Variants in HS6ST2 observed in about 807,000 individuals in gnomAD.
The protein encoded by HS6ST2 is heparan sulfate 6-O-sulfotransferase 2.
In HS6ST2, 17 loss-of-function variants were observed where a neutral mutation model predicts 33.0. The observed-to-expected ratio is 0.52, with a 90% CI of 0.35 to 0.77. HS6ST2 has a LOEUF of 0.77. Ranked by LOEUF, HS6ST2 falls within the 30% of genes least tolerant of loss-of-function variation. The pLI is 0.01. For missense variants in HS6ST2, 519 were observed against 551.7 expected (o/e 0.94, Z 0.59); for synonymous variants, 248 against 237.1 (o/e 1.05, Z -0.42).
chrX:132,900,495 T>C (rs1446421540), intron 2 of HS6ST2, among the ~76,000 whole-genome samples: 1 of 111,010 alleles, frequency 9.0e-6, no homozygotes. Context: ...GTGGGAGGAC[T>C]GCTTGAGGCC....
intron 2 of HS6ST2, among the ~76,000 whole-genome samples, chrX:132,776,086 C>T (rs2064955301): frequency 9.0e-6 from 1 of 111,356 alleles, no homozygotes; most frequent in Non-Finnish European, 1.9e-5. Flanking sequence ...AAGTTTTTTC[C>T]AGGTGCTTGC....
At chrX:132,699,239 C>A (rs1421033078) in intron 3 of HS6ST2, among the ~76,000 whole-genome samples, 1 of 111,847 alleles carries the variant, frequency 8.9e-6, no homozygotes, top group African/African-American at 3.3e-5. Flanking sequence ...CAACCCCTAC[C>A]CCAGTTATCC....
intron 2 of HS6ST2, among the ~76,000 whole-genome samples, chrX:132,722,144 C>T (rs1007352219): frequency 1.0e-5 from 1 of 96,516 alleles, no homozygotes; most frequent in African/African-American, 3.9e-5. Flanking sequence ...GTGGAGATCG[C>T]GCCACTGCAC....
intron 2 of HS6ST2, among the ~76,000 whole-genome samples, chrX:132,857,012 G>A (rs1308362821): frequency 1.8e-5 from 2 of 112,003 alleles, no homozygotes; most frequent in African/African-American, 6.5e-5. Context: ...ATGAAAGAAG[G>A]TTGATGTTAT....
At chrX:132,658,524 T>C (rs2063747549) in intron 4 of HS6ST2, among the ~76,000 whole-genome samples, 1 of 111,504 alleles carries the variant, frequency 9.0e-6, no homozygotes. Flanking sequence ...TTGACTCTAA[T>C]ATCAGAGCAC....
chrX:132,941,479 G>A (rs1287111423), intron 2 of HS6ST2, among the ~76,000 whole-genome samples: 1 of 112,205 alleles, frequency 8.9e-6, no homozygotes, highest in Non-Finnish European at 1.9e-5. Context: ...TTAAATAGAA[G>A]GCTCAGTCAA....
At chrX:132,791,583 G>T (rs963032652) in intron 2 of HS6ST2, among the ~76,000 whole-genome samples, 2 of 111,912 alleles carry the variant, frequency 1.8e-5, no homozygotes, top group Non-Finnish European at 3.8e-5. Context: ...ATAATATTTT[G>T]TTACTTTGGA....
intron 2 of HS6ST2, among the ~76,000 whole-genome samples, chrX:132,835,797 T>C (rs1214265883): frequency 9.0e-6 from 1 of 111,420 alleles, no homozygotes; most frequent in African/African-American, 3.3e-5. Context: ...GCGCCTGTAA[T>C]CCTAGCTACT....
At chrX:132,660,473 GAATGAGAAT>G (rs1324940018) in intron 4 of HS6ST2, among the ~76,000 whole-genome samples, 1 of 111,418 alleles carries the variant, frequency 9.0e-6, no homozygotes, top group African/African-American at 3.3e-5. Context: ...ATGAATGAAA[GAATGAGAAT>G]AATGAGAAAA....
chrX:132,852,408 C>G (rs1480950084), intron 2 of HS6ST2, among the ~76,000 whole-genome samples: 1 of 111,967 alleles, frequency 8.9e-6, no homozygotes, highest in East Asian at 2.8e-4. Flanking sequence ...ATATGTCCCT[C>G]TTCCTAGCAT....
At chrX:132,817,318 A>G (rs1363583669) in intron 2 of HS6ST2, among the ~76,000 whole-genome samples, 1 of 110,812 alleles carries the variant, frequency 9.0e-6, no homozygotes, top group Non-Finnish European at 1.9e-5. Context: ...TAATCAGGAA[A>G]TGAAACATCA....
intron 4 of HS6ST2, among the ~76,000 whole-genome samples, chrX:132,649,619 A>T: frequency 8.9e-6 from 1 of 112,197 alleles, no homozygotes; most frequent in East Asian, 2.8e-4. Flanking sequence ...GTATTTTGAG[A>T]GGCTGAAGCA....
At chrX:132,817,443 A>G (rs1342939368) in intron 2 of HS6ST2, among the ~76,000 whole-genome samples, 1 of 111,213 alleles carries the variant, frequency 9.0e-6, no homozygotes, top group Non-Finnish European at 1.9e-5. Context: ...AATCAGTGTA[A>G]CAGCCCTCCA....
chrX:132,799,389 T>G (rs1207494079), intron 2 of HS6ST2, among the ~76,000 whole-genome samples: 1 of 102,157 alleles, frequency 9.8e-6, no homozygotes, highest in Non-Finnish European at 2.0e-5. Flanking sequence ...TTTTTAATTA[T>G]TTTGAGACAG....
intron 2 of HS6ST2, among the ~76,000 whole-genome samples, chrX:132,745,445 T>C (rs901414183): frequency 3.6e-5 from 4 of 111,841 alleles, no homozygotes; most frequent in African/African-American, 9.8e-5. Context: ...CTAGATACTC[T>C]GCCCAAGCAA....
intron 2 of HS6ST2, among the ~76,000 whole-genome samples, chrX:132,899,393 T>C (rs1188271541): frequency 9.0e-6 from 1 of 111,426 alleles, no homozygotes; most frequent in East Asian, 2.8e-4. Context: ...TCCCATTTAA[T>C]AGGGGAGCTA....
At chrX:132,708,156 AT>A (rs1322211169) in intron 3 of HS6ST2, among the ~76,000 whole-genome samples, 5 of 107,698 alleles carry the variant, frequency 4.6e-5, no homozygotes, top group Admixed American at 1.0e-4. Context: ...GTGTCATCCT[AT>A]TTCAGCAAAA....
chrX:132,809,909 A>G (rs2065323087), intron 2 of HS6ST2, among the ~76,000 whole-genome samples: 1 of 112,046 alleles, frequency 8.9e-6, no homozygotes, highest in South Asian at 3.8e-4. Flanking sequence ...ATTGTCTGAA[A>G]AGCAGACAGA....
At chrX:132,719,361 C>T (rs1416835914) in intron 2 of HS6ST2, among the ~76,000 whole-genome samples, 1 of 112,015 alleles carries the variant, frequency 8.9e-6, no homozygotes, top group African/African-American at 3.2e-5. Context: ...GGTCCCTCTA[C>T]AATAAAATGA....
Sources: allele counts gnomAD v4.1 joint callset (sites outside exome capture counted in the v4.1 genomes callset), GRCh38; gene constraint gnomAD v4.1.1; transcripts MANE v1.5; gene names NCBI Gene and HGNC (gene_info 2026-07-23, HGNC 2026-07-21).